DMD: variants seen among roughly 807,000 people sequenced by gnomAD.
The protein encoded by DMD is dystrophin.
A neutral mutation model predicts 330.1 loss-of-function variants in DMD; 63 were observed. The ratio of observed to expected loss-of-function variants is 0.19; its 90% CI spans 0.16 to 0.24. The LOEUF (loss-of-function observed/expected upper bound fraction) is 0.24. Among genes scored for constraint, DMD ranks in the 10% least tolerant of loss-of-function variants. The pLI, the probability that DMD is intolerant of heterozygous loss-of-function variation, is 1.00. For missense variants in DMD, 3,344 were observed against 2,684.1 expected (o/e 1.25, Z -5.43); for synonymous variants, 1,223 against 959.8 (o/e 1.27, Z -5.07).
chrX:33,106,496 G>A (rs1603290164), intron 1 of DMD, among the ~76,000 whole-genome samples: 1 of 111,930 alleles, frequency 8.9e-6, no homozygotes, highest in Non-Finnish European at 1.9e-5. Context: ...TATTCTTATT[G>A]CTCAGCAAAT....
intron 60 of DMD, among the ~76,000 whole-genome samples, chrX:31,385,285 C>T (rs2060394468): frequency 9.0e-6 from 1 of 111,729 alleles, no homozygotes; most frequent in Non-Finnish European, 1.9e-5. Context: ...TCATTTATGC[C>T]TGCGCTGTTA....
chrX:32,948,113 GACACACACACACACACAC>G (rs3083093), intron 2 of DMD, among the ~76,000 whole-genome samples: 3 of 95,969 alleles, frequency 3.1e-5, no homozygotes, highest in Admixed American at 1.2e-4. Context: ...GAGAGAAACA[GACACACACACACACACAC>G]ACACACACAC....
chrX:31,635,723 A>G (rs1161933140), intron 54 of DMD, among the ~76,000 whole-genome samples: 1 of 111,964 alleles, frequency 8.9e-6, no homozygotes, highest in Non-Finnish European at 1.9e-5. Flanking sequence ...GACTTTTATT[A>G]CCTAGTCTCT....
chrX:32,049,033 C>T (rs1326786232), intron 44 of DMD, among the ~76,000 whole-genome samples: 1 of 111,054 alleles, frequency 9.0e-6, no homozygotes, highest in Non-Finnish European at 1.9e-5. Flanking sequence ...AAGAAACAAA[C>T]AAACAAACAA....
chrX:32,679,964 G>A (rs995608480), intron 9 of DMD, among the ~76,000 whole-genome samples: 2 of 85,808 alleles, frequency 2.3e-5, no homozygotes, highest in Non-Finnish European at 4.3e-5. Context: ...ACCCAGGCTG[G>A]AGTGCAGTGG....
intron 61 of DMD, among the ~76,000 whole-genome samples, chrX:31,335,496 T>C (rs2057365205): frequency 8.9e-6 from 1 of 112,329 alleles, no homozygotes. Context: ...TCAAGATCTA[T>C]GTTACTGACC....
At chrX:32,573,467 A>G (rs2052656216) in intron 15 of DMD, 63 bp downstream of exon 15, 2 of 874,996 alleles carry the variant, frequency 2.3e-6, no homozygotes, top group Non-Finnish European at 3.4e-6. Context: ...AAGAGACTAA[A>G]TAATAGTGAT....
intron 27 of DMD, among the ~76,000 whole-genome samples, chrX:32,444,671 G>C (rs1333574989): frequency 1.8e-5 from 2 of 110,900 alleles, no homozygotes; most frequent in Non-Finnish European, 3.8e-5. Flanking sequence ...TTTCATTTTG[G>C]GAGATCATCT....
At chrX:32,860,215 T>A (rs1271230882) in intron 2 of DMD, among the ~76,000 whole-genome samples, 1 of 111,396 alleles carries the variant, frequency 9.0e-6, no homozygotes. Flanking sequence ...AGTAAAAAAA[T>A]TTGAGAAAGG....
At chrX:31,409,348 T>G (rs2061541472) in intron 60 of DMD, among the ~76,000 whole-genome samples, 1 of 112,089 alleles carries the variant, frequency 8.9e-6, no homozygotes, top group Admixed American at 9.5e-5. Context: ...GTGAATTGAC[T>G]TATTTCTTGT....
At chrX:31,332,680 T>C (rs1431511646) in intron 61 of DMD, among the ~76,000 whole-genome samples, 2 of 111,809 alleles carry the variant, frequency 1.8e-5, no homozygotes, top group Non-Finnish European at 3.8e-5. Context: ...GTTAGTAAAT[T>C]GTTCTAGTCT....
At chrX:31,525,898 TC>T (rs1198880862) in intron 55 of DMD, among the ~76,000 whole-genome samples, 3 of 112,421 alleles carry the variant, frequency 2.7e-5, no homozygotes, top group Non-Finnish European at 5.6e-5. Flanking sequence ...TTTCACACTA[TC>T]ACCATCACAG....
At chrX:32,284,980 C>T (rs986022087) in intron 43 of DMD, among the ~76,000 whole-genome samples, 2 of 111,492 alleles carry the variant, frequency 1.8e-5, no homozygotes, top group African/African-American at 3.3e-5. Flanking sequence ...TGTGGAATGG[C>T]GTTAGTGTTT....
rs747802164 is a variant in DMD, at chrX:32,518,048, C to T, written c.2252G>A (p.Arg751Gln). 3.2e-5 allele frequency: 39 copies of T among 1,208,249 alleles called. No individual in the cohort carries two copies. Among genetic ancestry groups the T allele is most frequent in the Non-Finnish European group, 3.9e-5 (35 of 893,952 alleles). The change falls in exon 18 of 79, where the codon CGG (arginine) becomes CAG (glutamine). Residue 751 changes from arginine to glutamine, a missense_variant. Arg to Gln is a conservative substitution (Grantham distance 43). Coordinates refer to ENST00000357033, the MANE Select transcript of DMD (RefSeq NM_004006.3). ...TAAGTCTGAGAAGTTGCCTTCCTTC[C>T]GAAAGATTGCAAATTCAGGACTCTG... Reference protein sequence around the residue: ...VLQSPEFAIFRKEGNFSDLKE... With the variant: ...VLQSPEFAIFQKEGNFSDLKE...
chrX:31,912,909 C>T (rs1462341911), intron 47 of DMD, among the ~76,000 whole-genome samples: 1 of 112,865 alleles, frequency 8.9e-6, no homozygotes, highest in Non-Finnish European at 1.9e-5. Flanking sequence ...CAAACAGAAG[C>T]TTGATAAGTC....
rs1361879555 is a variant in DMD at position 32,823,192 on chromosome X, T to C, written c.357+103A>G. The C allele has an allele frequency of 4.6e-6, 3 of 656,264 alleles. No individual in the cohort carries two copies. The Admixed American group carries it at 6.9e-5, about 15-fold the overall frequency. 54.1% of individuals were successfully genotyped at this position (656,264 alleles called of 1,213,427 possible). On this transcript the variant is annotated intron_variant, in intron 5 of 78. Transcript: ENST00000357033. Reference sequence around the variant, plus strand: ...TAAAAAGCAGCACTATGGAGCAGGGTTTGTTATTGTTAGAAATACACATTT... The same window carrying C: ...TAAAAAGCAGCACTATGGAGCAGGGCTTGTTATTGTTAGAAATACACATTT...
At chrX:32,445,438 G>GAGA (rs1360455066) in intron 27 of DMD, among the ~76,000 whole-genome samples, 1 of 111,015 alleles carries the variant, frequency 9.0e-6, no homozygotes, top group Non-Finnish European at 1.9e-5. Flanking sequence ...GATGGAGGAG[G>GAGA]AGACTGTGAG....
intron 44 of DMD, among the ~76,000 whole-genome samples, chrX:32,073,840 G>T (rs1290245375): frequency 9.0e-6 from 1 of 111,079 alleles, no homozygotes; most frequent in Non-Finnish European, 1.9e-5. Flanking sequence ...TTAAGTATAA[G>T]AACCCATTTC....
intron 53 of DMD, among the ~76,000 whole-genome samples, chrX:31,659,440 A>T (rs767778128): frequency 1.0e-4 from 11 of 109,596 alleles, no homozygotes; most frequent in Non-Finnish European, 1.7e-4. Context: ...GGAGTTCAAG[A>T]CCAGTCTGGC....
Sources: allele counts gnomAD v4.1 joint callset (sites outside exome capture counted in the v4.1 genomes callset), GRCh38; gene constraint gnomAD v4.1.1; transcripts MANE v1.5; gene names NCBI Gene and HGNC (gene_info 2026-07-23, HGNC 2026-07-21).